SCOC: variants seen among roughly 807,000 people sequenced by gnomAD.
SCOC encodes the protein short coiled coil protein.
SCOC carries 7 observed loss-of-function variants against 9.9 expected under a neutral mutation model. The observed-to-expected ratio is 0.71, with a 90% CI of 0.40 to 1.33. SCOC has a LOEUF of 1.33. Ranked by LOEUF, SCOC falls within the 40% of genes most tolerant of loss-of-function variation. The pLI is 0.01. For missense variants in SCOC, 66 were observed against 89.7 expected (o/e 0.74, Z 1.07); for synonymous variants, 19 against 28.2 (o/e 0.67, Z 1.03).
chr4:140,303,464 AC>A (rs986993844), intron 1 of SCOC, among the ~76,000 whole-genome samples: 8 of 152,262 alleles, frequency 5.3e-5, no homozygotes, highest in Admixed American at 5.2e-4. Context: ...AGGGGTGACT[AC>A]AGAAGCCCCT....
chr4:140,331,786 C>G (rs1408387240), intron 1 of SCOC, among the ~76,000 whole-genome samples: 1 of 152,182 alleles, frequency 6.6e-6, no homozygotes, highest in Non-Finnish European at 1.5e-5. Context: ...TCATCTTCAC[C>G]TGCTCACTGA....
chr4:140,334,616 G>C (rs145615654), intron 1 of SCOC, among the ~76,000 whole-genome samples: 2 of 151,736 alleles, frequency 1.3e-5, no homozygotes, highest in African/African-American at 4.8e-5. Context: ...GAGTTCTACC[G>C]TCTGAACAAA....
chr4:140,351,189 T>TAAA (rs77010112), intron 2 of SCOC, among the ~76,000 whole-genome samples: 1 of 132,528 alleles, frequency 7.5e-6, no homozygotes, highest in Non-Finnish European at 1.6e-5. Context: ...AGACTTTATC[T>TAAA]AAAAAAAAAA....
At chr4:140,267,594 G>A (rs1284174145) in intron 1 of SCOC, among the ~76,000 whole-genome samples, 1 of 152,070 alleles carries the variant, frequency 6.6e-6, no homozygotes, top group Non-Finnish European at 1.5e-5. Flanking sequence ...GGAGAAACGA[G>A]GCCTTCTCCC....
chr4:140,352,377 T>C (rs1346362094), intron 2 of SCOC, among the ~76,000 whole-genome samples: 1 of 152,132 alleles, frequency 6.6e-6, no homozygotes, highest in Non-Finnish European at 1.5e-5. Flanking sequence ...AAATATCTGT[T>C]CCTGTAAGCT....
intron 2 of SCOC, among the ~76,000 whole-genome samples, chr4:140,358,684 TA>T (rs1677460455): frequency 6.6e-6 from 1 of 152,202 alleles, no homozygotes; most frequent in Non-Finnish European, 1.5e-5. Context: ...ATTCAGAAAG[TA>T]GTCACTCAAA....
upstream of SCOC, among the ~76,000 whole-genome samples, chr4:140,340,433 G>C (rs1253907320): frequency 6.6e-6 from 1 of 151,622 alleles, no homozygotes; most frequent in African/African-American, 2.4e-5. Context: ...CCTGCACGTG[G>C]TACACATGTA....
At chr4:140,309,499 A>G (rs1022322647) in intron 1 of SCOC, among the ~76,000 whole-genome samples, 2 of 152,084 alleles carry the variant, frequency 1.3e-5, no homozygotes, top group Admixed American at 6.5e-5. Context: ...GCATTGTCAC[A>G]TCCTGTACTC....
intron 1 of SCOC, among the ~76,000 whole-genome samples, chr4:140,318,096 T>G (rs1333743013): frequency 5.9e-5 from 9 of 151,916 alleles, no homozygotes; most frequent in Non-Finnish European, 1.2e-4. Flanking sequence ...TCCAGTTGAT[T>G]TAAACGTTAG....
intron 1 of SCOC, among the ~76,000 whole-genome samples, chr4:140,286,755 G>C (rs1329351888): frequency 6.6e-6 from 1 of 152,334 alleles, no homozygotes; most frequent in East Asian, 1.9e-4. Context: ...GAGGCGGGGC[G>C]CTGGAGCCGC....
rs114615617 is a variant in SCOC, at chr4:140,288,442, G to A, written c.-19+31032G>A. ...ACACACACAGGTACACATCACACAT[G>A]TACACATCACACACATAACGCAATC... On this transcript the variant is annotated intron_variant, in intron 1 of 4. Transcript: ENST00000394205. 5.6e-3 allele frequency among the ~76,000 whole-genome samples: 772 copies of A among 136,742 alleles called. 3 individuals carry two copies. Among genetic ancestry groups the A allele is most frequent in the Non-Finnish European group, 8.8e-3 (595 of 67,314 alleles). 89.7% of individuals were successfully genotyped at this position (136,742 alleles called of 152,430 possible). A position where few individuals can be genotyped will look rare whatever the true frequency, so the allele number is the denominator to read the frequency against.
chr4:140,350,396 G>C (rs1726926309), intron 2 of SCOC, among the ~76,000 whole-genome samples: 1 of 152,250 alleles, frequency 6.6e-6, no homozygotes, highest in Non-Finnish European at 1.5e-5. Flanking sequence ...TAGAATTTGT[G>C]TGTGTTGGGA....
At chr4:140,340,132 G>A (rs939805599), upstream of SCOC, among the ~76,000 whole-genome samples, 11 of 152,150 alleles carry the variant, frequency 7.2e-5, no homozygotes, top group Non-Finnish European at 1.5e-4. Flanking sequence ...TAAAAATGAT[G>A]AGTTCATGTC....
At chr4:140,265,065 G>A (rs559877645) in intron 1 of SCOC, among the ~76,000 whole-genome samples, 18 of 152,128 alleles carry the variant, frequency 1.2e-4, no homozygotes, top group Admixed American at 3.9e-4. Context: ...AAATAATGTT[G>A]TGTCTCTTTT....
intron 1 of SCOC, among the ~76,000 whole-genome samples, chr4:140,320,492 C>T (rs141218963): frequency 9.5e-4 from 145 of 152,288 alleles, no homozygotes; most frequent in African/African-American, 3.3e-3. Flanking sequence ...AGAACCCTTT[C>T]TCAGGGTGTG....
intron 1 of SCOC, among the ~76,000 whole-genome samples, chr4:140,274,823 G>A (rs376056338): frequency 1.4e-3 from 212 of 152,210 alleles, no homozygotes; most frequent in African/African-American, 4.4e-3. Context: ...CAAGCTTCTC[G>A]GCAATTCAGG....
At chr4:140,296,844 A>T (rs1450055343) in intron 1 of SCOC, among the ~76,000 whole-genome samples, 1 of 151,788 alleles carries the variant, frequency 6.6e-6, no homozygotes, top group Non-Finnish European at 1.5e-5. Flanking sequence ...TTCCATCTTA[A>T]CAGTATCTTT....
intron 1 of SCOC, among the ~76,000 whole-genome samples, chr4:140,313,348 G>A (rs1159191746): frequency 4.6e-5 from 7 of 152,126 alleles, no homozygotes; most frequent in African/African-American, 1.7e-4. Flanking sequence ...GGGTTCTAGC[G>A]ATTCTCGATT....
chr4:140,382,894 T>C lies in SCOC; in HGVS notation c.*1790T>C, dbSNP rs1180718073. The C allele has an allele frequency of 6.6e-6, 1 of 152,238 alleles. No individual in the cohort carries two copies. Among genetic ancestry groups the C allele is most frequent in the African/African-American group, 2.4e-5 (1 of 41,464 alleles). 9.4% of individuals were successfully genotyped at this position (152,238 alleles called of 1,614,324 possible). On this transcript the variant is annotated 3_prime_UTR_variant, in exon 4 of 4. Transcript: ENST00000608372. ...AGAAGTTTCTCTCCCAACCAGTGGT[T>C]CCAAGGTCAGCATTGCAGGCTAGCA...
Sources: gnomAD v4.1 joint callset for allele counts (sites outside exome capture counted in the v4.1 genomes callset) on GRCh38, gnomAD v4.1.1 for gene constraint, MANE v1.5 for transcripts, NCBI Gene and HGNC (gene_info 2026-07-23, HGNC 2026-07-21) for gene names.